The following KLC1 variants were observed in gnomAD, a reference collection of about 807,000 sequenced individuals.
KLC1 encodes kinesin 2 60/70kDa.
In KLC1, 30 loss-of-function variants were observed where a neutral mutation model predicts 84.2. That is an observed-to-expected ratio of 0.36 (90% confidence interval 0.27 to 0.48). The LOEUF (loss-of-function observed/expected upper bound fraction) is 0.48, where lower values mean the gene tolerates loss of function less well. Among genes scored for constraint, KLC1 ranks in the 20% least tolerant of loss-of-function variants. The pLI, the probability that KLC1 is intolerant of heterozygous loss-of-function variation, is 0.99. For synonymous variants in KLC1, 289 were observed against 293.3 expected, an observed-to-expected ratio of 0.99 and a Z score of 0.15; for missense variants, 499 against 805.4, an observed-to-expected ratio of 0.62 and a Z score of 4.60.
At chr14:103,661,639 C>T (rs2079300534) in intron 3 of KLC1, among the ~76,000 whole-genome samples, 2 of 152,056 alleles carry the variant, frequency 1.3e-5, no homozygotes, top group African/African-American at 4.8e-5. Context: ...AAACATGGGT[C>T]ACAGGCCTTT....
rs762920881 is a variant in KLC1, at chr14:103,701,237, C to T, written c.*38C>T. On this transcript the variant is annotated 3_prime_UTR_variant, in exon 17 of 17. Coordinates refer to ENST00000334553, the MANE Select transcript of KLC1 (RefSeq NM_001394837.1). Reference sequence around the variant, plus strand: ...TGGCCCCGCTCCAGGATGGGACTGCCGAGTGTGGCCCGGAGCTGGCCCGGG... The same window carrying T: ...TGGCCCCGCTCCAGGATGGGACTGCTGAGTGTGGCCCGGAGCTGGCCCGGG... 3.4e-5 allele frequency: 53 copies of T among 1,547,908 alleles called. 1 individual carries two copies. The highest frequency in any genetic ancestry group is 2.2e-4 in the Admixed American group (11 of 50,932).
chr14:103,633,161 G>A (rs985150260), intron 1 of KLC1, among the ~76,000 whole-genome samples: 1 of 151,706 alleles, frequency 6.6e-6, no homozygotes, highest in African/African-American at 2.4e-5. Context: ...AGGTTCAAGT[G>A]ATTCTCCTGC....
At chr14:103,700,813 G>T (rs1311507032) in intron 16 of KLC1, 86 bp downstream of exon 16, 2 of 1,140,294 alleles carry the variant, frequency 1.8e-6, no homozygotes, top group Admixed American at 5.0e-5. Context: ...GGGAGCTGGG[G>T]ATGGGCAAGT....
rs1454128507 is a variant in KLC1, at chr14:103,688,083, GTTC to G, written c.1781+877_1781+879del. The G allele has an allele frequency of 6.6e-5, 10 of 152,322 alleles. No homozygotes were observed. In the East Asian group the frequency reaches 1.7e-3, roughly 26 times the overall value. 9.4% of individuals were successfully genotyped at this position (152,322 alleles called of 1,614,324 possible). Reference sequence around the variant, plus strand: ...GATCACCTCAGGATGGTGAAACCGAGTTCTTCTGGAGAACATATTGGAAATAAT... The same window carrying G: ...GATCACCTCAGGATGGTGAAACCGAGTTCTGGAGAACATATTGGAAATAAT... On this transcript the variant is annotated intron_variant, in intron 14 of 16. Coordinates refer to ENST00000334553, the MANE Select transcript of KLC1 (RefSeq NM_001394837.1).
At chr14:103,681,465 T>C (rs1484679694) in intron 13 of KLC1, among the ~76,000 whole-genome samples, 1 of 151,996 alleles carries the variant, frequency 6.6e-6, no homozygotes, top group South Asian at 2.1e-4. Context: ...CAAAGTACAC[T>C]TTTTCCCCCC....
At chr14:103,696,636 C>A in intron 15 of KLC1, 3 of 985,488 alleles carry the variant, frequency 3.0e-6, no homozygotes, top group Non-Finnish European at 3.6e-6. Flanking sequence ...CTTGCTGGGG[C>A]CAGCAGGCTG....
At chr14:103,672,116 T>C (rs1434654730) in intron 7 of KLC1, among the ~76,000 whole-genome samples, 1 of 152,174 alleles carries the variant, frequency 6.6e-6, no homozygotes, top group Non-Finnish European at 1.5e-5. Flanking sequence ...AAGTGTGGGC[T>C]TCTGCGGGCC....
chr14:103,677,434 C>G lies in KLC1; in HGVS notation c.1399C>G (p.Leu467Val). Reference sequence around the variant, plus strand: ...TTACAGTCCAACTGTTACAACCACTCTAAAAAACCTTGGGGCACTTTACAG... The same window carrying G: ...TTACAGTCCAACTGTTACAACCACTGTAAAAAACCTTGGGGCACTTTACAG... ...KVDSPTVTTT[L>V]KNLGALYRRQ... Residue 467 changes from leucine to valine, a missense_variant, in exon 12 of 17, where the codon CTA becomes GTA. Transcript: ENST00000334553. 1 of 1,612,640 alleles carries G rather than the reference C, an allele frequency of 6.2e-7. No homozygotes were observed. The highest frequency in any genetic ancestry group is 8.5e-7 in the Non-Finnish European group (1 of 1,178,676).
At chr14:103,680,698 C>G (rs1036117710) in intron 13 of KLC1, among the ~76,000 whole-genome samples, 1 of 152,170 alleles carries the variant, frequency 6.6e-6, no homozygotes, top group African/African-American at 2.4e-5. Flanking sequence ...AATCCTGGCC[C>G]GCAGGCCTCC....
At chr14:103,634,538 T>C (rs922112732) in intron 1 of KLC1, among the ~76,000 whole-genome samples, 5 of 152,104 alleles carry the variant, frequency 3.3e-5, no homozygotes, top group African/African-American at 7.2e-5. Flanking sequence ...TTCCAGAGAC[T>C]GCATCATATC....
Position 103,662,255 on chromosome 14 carries a change from C to T in KLC1, c.571+61C>T, listed in dbSNP as rs1006961390. 44 of 1,331,680 alleles carry T rather than the reference C, an allele frequency of 3.3e-5. No individual in the cohort carries two copies. In the African/African-American group the frequency reaches 5.8e-4, roughly 17 times the overall value. 82.5% of individuals were successfully genotyped at this position (1,331,680 alleles called of 1,614,324 possible). Reference sequence around the variant, plus strand: ...CAGAAGAGAGGTGTTCCTCCTAGAACACGGTCATAGCAATCAGTGGCAGCC... The same window carrying T: ...CAGAAGAGAGGTGTTCCTCCTAGAATACGGTCATAGCAATCAGTGGCAGCC... On this transcript the variant is annotated intron_variant, in intron 4 of 16. Transcript: ENST00000334553.
intron 1 of KLC1, among the ~76,000 whole-genome samples, chr14:103,645,309 CT>C (rs998613731): frequency 1.3e-5 from 2 of 151,994 alleles, no homozygotes; most frequent in Non-Finnish European, 2.9e-5. Context: ...ATTTGCCTGT[CT>C]TTTTTTTGGA....
Position 103,699,261 on chromosome 14 carries a change from G to A in KLC1, c.1849-1394G>A, listed in dbSNP as rs560276298. ...GCACAGGCTGCTACCCGCAGGAGCC[G>A]GAGGCCACCTCACTGCCACCCGCCC... On this transcript the variant is annotated intron_variant, in intron 15 of 16. Coordinates refer to ENST00000334553, the MANE Select transcript of KLC1 (RefSeq NM_001394837.1). 133 of 1,539,440 alleles carry A rather than the reference G, an allele frequency of 8.6e-5. 1 individual carries two copies. In the East Asian group the frequency reaches 1.0e-3, roughly 12 times the overall value.
At chr14:103,651,297 C>T (rs570641720) in intron 1 of KLC1, among the ~76,000 whole-genome samples, 62 of 152,310 alleles carry the variant, frequency 4.1e-4, no homozygotes, top group Middle Eastern at 3.4e-3. Flanking sequence ...CGTCGGCCAC[C>T]GCGCCCAGCT....
intron 1 of KLC1, among the ~76,000 whole-genome samples, chr14:103,636,108 T>C (rs1678732422): frequency 6.6e-6 from 1 of 152,212 alleles, no homozygotes; most frequent in Admixed American, 6.6e-5. Flanking sequence ...AACTCTTTCA[T>C]CTGGCAGCGC....
chr14:103,669,785 A>G (rs1004628591), intron 6 of KLC1, among the ~76,000 whole-genome samples, 187 bp downstream of exon 6: 6 of 152,216 alleles, frequency 3.9e-5, no homozygotes, highest in Non-Finnish European at 8.8e-5. Flanking sequence ...TAATTTGTTT[A>G]TGACCCCACC....
At chr14:103,650,232 AT>A (rs10718498) in intron 1 of KLC1, among the ~76,000 whole-genome samples, 133,914 of 150,710 alleles carry the variant, frequency 0.89, 59,162 homozygotes, top group East Asian at 0.98. Context: ...AGCCTGTACT[AT>A]TGTTCCAGGT....
At chr14:103,695,448 A>G (rs1344885653) in intron 15 of KLC1, 8 of 984,112 alleles carry the variant, frequency 8.1e-6, no homozygotes, top group Non-Finnish European at 9.6e-6. Context: ...GCTTCCCCTG[A>G]CAGGTGCCGT....
chr14:103,634,820 A>G (rs1288874378), intron 1 of KLC1, among the ~76,000 whole-genome samples: 3 of 152,062 alleles, frequency 2.0e-5, no homozygotes, highest in African/African-American at 7.2e-5. Flanking sequence ...GGCTCAAGCC[A>G]TCTGCCTGCC....
Sources: gnomAD v4.1 joint callset for allele counts (sites outside exome capture counted in the v4.1 genomes callset) on GRCh38, gnomAD v4.1.1 for gene constraint, MANE v1.5 for transcripts, NCBI Gene and HGNC (gene_info 2026-07-23, HGNC 2026-07-21) for gene names.